MPHOSPH9: variants seen among roughly 807,000 people sequenced by gnomAD.
MPHOSPH9 encodes the protein M-phase phosphoprotein 9.
MPHOSPH9 carries 88 observed loss-of-function variants against 145.5 expected under a neutral mutation model. The observed-to-expected ratio is 0.60, with a 90% confidence interval of 0.51 to 0.72. The LOEUF is 0.72. Among genes scored for constraint, MPHOSPH9 ranks in the 30% least tolerant of loss-of-function variants. The pLI is 0.00. For synonymous variants in MPHOSPH9, 435 were observed against 486.2 expected (o/e 0.89, Z 1.39); for missense variants, 1,238 against 1,386.6 (o/e 0.89, Z 1.70).
chr12:123,211,632 A>G (rs1028895197), intron 7 of MPHOSPH9, among the ~76,000 whole-genome samples: 1 of 151,348 alleles, frequency 6.6e-6, no homozygotes, highest in Non-Finnish European at 1.5e-5. Flanking sequence ...CTAGGATTAC[A>G]GTTGTGAGCT....
chr12:123,203,462 G>C (rs1250247273), intron 8 of MPHOSPH9, 87 bp from the exon 9 acceptor site: 4 of 1,253,954 alleles, frequency 3.2e-6, no homozygotes, highest in Non-Finnish European at 4.4e-6. Flanking sequence ...AAAGATTTTT[G>C]AAAGACTTTA....
At chr12:123,202,388 C>A in intron 10 of MPHOSPH9, 69 bp from the exon 11 acceptor site, 1 of 1,451,470 alleles carries the variant, frequency 6.9e-7, no homozygotes, top group Non-Finnish European at 9.2e-7. Context: ...CAAGAGAAAC[C>A]AAGAACACAA....
At chr12:123,192,260 C>T (rs1443923516) in intron 13 of MPHOSPH9, among the ~76,000 whole-genome samples, 1 of 151,870 alleles carries the variant, frequency 6.6e-6, no homozygotes, top group African/African-American at 2.4e-5. Flanking sequence ...TTGAGACCAG[C>T]CTGGGCAACA....
intron 13 of MPHOSPH9, among the ~76,000 whole-genome samples, chr12:123,184,498 A>ATTTTTT (rs35180953): frequency 6.9e-6 from 1 of 145,500 alleles, no homozygotes; most frequent in Non-Finnish European, 1.5e-5. Context: ...CTTTAATTTA[A>ATTTTTT]TTTTTTTTTT....
intron 7 of MPHOSPH9, among the ~76,000 whole-genome samples, chr12:123,212,205 A>G (rs1407942779): frequency 6.6e-6 from 1 of 152,090 alleles, no homozygotes; most frequent in Non-Finnish European, 1.5e-5. Context: ...GGCAGGCACT[A>G]TTTTTGAATC....
At chr12:123,175,212 G>A (rs901973535) in intron 16 of MPHOSPH9, among the ~76,000 whole-genome samples, 1 of 151,048 alleles carries the variant, frequency 6.6e-6, no homozygotes, top group Admixed American at 6.6e-5. Flanking sequence ...GTGCAGTGGC[G>A]CAATCTCGAC....
intron 8 of MPHOSPH9, among the ~76,000 whole-genome samples, chr12:123,203,691 T>A (rs935962512): frequency 1.3e-5 from 2 of 152,172 alleles, no homozygotes; most frequent in African/African-American, 4.8e-5. Flanking sequence ...CCAAGTTTTC[T>A]GGGTTTCTTT....
rs1481432508 is a variant in MPHOSPH9, at chr12:123,159,865, GT to G, written c.3450+915del. 3.3e-5 allele frequency: 5 copies of G among 151,590 alleles called. No homozygotes were observed. The highest frequency in any genetic ancestry group is 1.2e-4 in the African/African-American group (5 of 41,324). 9.4% of individuals were successfully genotyped at this position (151,590 alleles called of 1,614,324 possible). A position where few individuals can be genotyped will look rare whatever the true frequency, so the allele number is the denominator to read the frequency against. ...CATAACATGAAAAGTTCAATTGAAA[GT>G]TTATTTTTTTTTTTTTTTAAGACTG... On this transcript the variant is annotated intron_variant, in intron 23 of 23. Transcript: ENST00000606320. This position sits in a 1 kb window ranked among gnomAD's most constrained non-coding sequence, Gnocchi z 4.3.
chr12:123,163,080 G>A lies in MPHOSPH9; in HGVS notation c.2963C>T (p.Ser988Phe), dbSNP rs1348474455. The A allele has an allele frequency of 6.3e-7, 1 of 1,596,472 alleles. No homozygotes were observed. The highest frequency in any genetic ancestry group is 2.3e-5 in the East Asian group (1 of 43,782). The change falls in exon 20 of 24, where the codon TCC (serine) becomes TTC (phenylalanine). Residue 988 changes from serine (S) to phenylalanine (F), a missense_variant. By Grantham distance (155) the Ser-to-Phe change is radical. Around this residue, in one of 3 missense-constraint regions of MPHOSPH9, gnomAD observed 393 missense variants for 462.5 expected, o/e 0.85. Coordinates refer to ENST00000606320, the MANE Select transcript of MPHOSPH9 (RefSeq NM_022782.4). ...PVTVAYSPKRSPKENLSPGFS... is the reference protein window; with the variant it reads ...PVTVAYSPKRFPKENLSPGFS... Reference sequence around the variant, plus strand: ...TCCTGGGGACAAGTTTTCTTTAGGGGATCGCTTTGGACTATAAGCCACAGT... The same window carrying A: ...TCCTGGGGACAAGTTTTCTTTAGGGAATCGCTTTGGACTATAAGCCACAGT...
chr12:123,221,417 A>T lies in MPHOSPH9; in HGVS notation c.827T>A (p.Leu276His), dbSNP rs141635957. ...ISPGEFEHNF[L>H]GENKVSEVYS... ...TACTTCAGAAACCTTATTTTCACCA[A>T]GAAAATTATGTTCAAATTCACCAGG... Residue 276 changes from leucine (L) to histidine (H), a missense_variant, in exon 5 of 24, where the codon CTT (leucine) becomes CAT (histidine). This residue lies in a region of MPHOSPH9 where 837 missense variants were observed against 897.5 expected (regional missense o/e 0.93). Transcript: ENST00000606320. 3.1e-6 allele frequency: 5 copies of T among 1,609,280 alleles called. No individual in the cohort carries two copies. In the East Asian group the frequency reaches 1.1e-4, roughly 36 times the overall value.
chr12:123,169,709 T>TC (rs2044490197), intron 16 of MPHOSPH9, among the ~76,000 whole-genome samples: 2 of 151,164 alleles, frequency 1.3e-5, no homozygotes, highest in African/African-American at 4.8e-5. Context: ...CAAGCAATTC[T>TC]CCTGCCTCAG....
Position 123,165,238 on chromosome 12 carries a change from C to T in MPHOSPH9, c.2767+64G>A, listed in dbSNP as rs1270426871. The T allele has an allele frequency of 3.0e-5, 42 of 1,410,434 alleles. No individual in the cohort carries two copies. In the South Asian group the frequency reaches 3.7e-4, roughly 12 times the overall value. The allele number at this position is 1,410,434 out of a possible 1,614,324, so 87.4% of individuals were successfully genotyped here. ...CATTACCTAAATATTTTAATTTTAA[C>T]GAAGGTAATATAAATGGGGAAAAGA... is the stretch of plus-strand genomic sequence containing the variant. On this transcript the variant is annotated intron_variant, in intron 18 of 23. Transcript: ENST00000606320.
intron 1 of MPHOSPH9, among the ~76,000 whole-genome samples, chr12:123,231,568 T>G (rs1454515695): frequency 6.6e-6 from 1 of 152,110 alleles, no homozygotes. Context: ...CTGCAGCTAC[T>G]GGGAGCATGT....
At chr12:123,233,220 C>T (rs2047751607), upstream of MPHOSPH9, 1 of 152,266 alleles carries the variant, frequency 6.6e-6, no homozygotes, top group Non-Finnish European at 1.5e-5. Context: ...GCGCGCGCGT[C>T]CACCTCGCCG....
chr12:123,200,046 T>C (rs946726498), intron 11 of MPHOSPH9, among the ~76,000 whole-genome samples: 5 of 152,168 alleles, frequency 3.3e-5, no homozygotes, highest in African/African-American at 1.2e-4. Context: ...TATTTGACTT[T>C]TTTCAGTACT....
chr12:123,213,228 C>T (rs1436033667), intron 7 of MPHOSPH9, among the ~76,000 whole-genome samples: 12 of 152,022 alleles, frequency 7.9e-5, no homozygotes, highest in Admixed American at 7.9e-4. Context: ...TTATAAAATA[C>T]TTTGTGTTAG....
chr12:123,223,191 T>C, intron 3 of MPHOSPH9, 64 bp from the exon 4 acceptor site: 1 of 1,062,154 alleles, frequency 9.4e-7, no homozygotes, highest in South Asian at 2.5e-5. Flanking sequence ...ACAGAACAAT[T>C]CCTCCAGTGT....
At chr12:123,233,190 G>A (rs1350949060), upstream of MPHOSPH9, 1 of 152,150 alleles carries the variant, frequency 6.6e-6, no homozygotes, top group Non-Finnish European at 1.5e-5. Flanking sequence ...CCCGGAAGGA[G>A]GCGGAGACAG....
At chr12:123,226,167 C>T in intron 3 of MPHOSPH9, 1 of 203,088 alleles carries the variant, frequency 4.9e-6, no homozygotes, top group Non-Finnish European at 9.2e-6. Context: ...CACGTTAGTG[C>T]ATACTGATTA....
Sources: gnomAD v4.1 joint callset for allele counts (sites outside exome capture counted in the v4.1 genomes callset) on GRCh38, gnomAD v4.1.1 for gene constraint, gnomAD v4.1.1 regional missense constraint, Gnocchi (gnomAD v3.1) non-coding constraint, MANE v1.5 for transcripts, NCBI Gene and HGNC (gene_info 2026-07-23, HGNC 2026-07-21) for gene names.